CEP85L: variants seen among roughly 807,000 people sequenced by gnomAD.
The protein encoded by CEP85L is centrosomal protein 85L, also known as centrosomal protein of 85 kDa-like.
A neutral mutation model predicts 100.3 loss-of-function variants in CEP85L; 60 were observed. That is an observed-to-expected ratio of 0.60 (90% CI 0.49 to 0.74). The LOEUF (loss-of-function observed/expected upper bound fraction) is 0.74. Ranked by LOEUF, CEP85L falls within the 30% of genes least tolerant of loss-of-function variation. The probability of loss-of-function intolerance (pLI) is 0.00; values close to 1 mark genes in which losing one functional copy is unlikely to be tolerated. For missense variants in CEP85L, 973 were observed against 936.2 expected, an observed-to-expected ratio of 1.04 and a Z score of -0.51; for synonymous variants, 319 against 322.7, an observed-to-expected ratio of 0.99 and a Z score of 0.12.
At chr6:118,498,349 A>T (rs934540179) in intron 5 of CEP85L, among the ~76,000 whole-genome samples, 1 of 152,058 alleles carries the variant, frequency 6.6e-6, no homozygotes, top group Admixed American at 6.5e-5. Flanking sequence ...AAAAATAAAT[A>T]AATACAAATG....
chr6:118,619,890 A>G (rs1211589492), intron 2 of CEP85L, among the ~76,000 whole-genome samples: 1 of 152,186 alleles, frequency 6.6e-6, no homozygotes, highest in Non-Finnish European at 1.5e-5. Context: ...TCAGCCAGGT[A>G]AACAGATCAA....
At chr6:118,576,364 C>A (rs551396621) in intron 2 of CEP85L, among the ~76,000 whole-genome samples, 6 of 152,180 alleles carry the variant, frequency 3.9e-5, no homozygotes, top group African/African-American at 1.2e-4. Context: ...AATAGCACTC[C>A]GGAAAGCCGA....
At chr6:118,652,417 T>C (rs2115391011), upstream of CEP85L, 1 of 1,131,690 alleles carries the variant, frequency 8.8e-7, no homozygotes, top group Non-Finnish European at 1.1e-6. Flanking sequence ...TCACTGGCAA[T>C]ATGGTGATGC....
intron 6 of CEP85L, among the ~76,000 whole-genome samples, chr6:118,489,599 C>T (rs1003300661): frequency 1.3e-5 from 2 of 152,042 alleles, no homozygotes; most frequent in Non-Finnish European, 2.9e-5. Context: ...AAAACCATCT[C>T]GTGCCTGTTA....
upstream of CEP85L, chr6:118,651,973 C>A (rs554086521): frequency 4.3e-5 from 40 of 923,946 alleles, no homozygotes; most frequent in African/African-American, 6.1e-4. Context: ...AGCCAGGGCG[C>A]GGCTGAGGGG....
At chr6:118,600,300 G>GGGGGGGGTGT (rs1562297733) in intron 2 of CEP85L, among the ~76,000 whole-genome samples, 5 of 52,244 alleles carry the variant, frequency 9.6e-5, no homozygotes, top group East Asian at 5.9e-4. Flanking sequence ...CCTTCCTGGG[G>GGGGGGGGTGT]GTGTGTGTGT....
At chr6:118,704,025 G>A (rs943536844) in intron 1 of CEP85L, among the ~76,000 whole-genome samples, 41 of 152,124 alleles carry the variant, frequency 2.7e-4, no homozygotes, top group African/African-American at 9.7e-4. Flanking sequence ...AGGAAACATG[G>A]TAGCCCTTTT....
At chr6:118,562,533 C>A (rs552073665) in intron 3 of CEP85L, among the ~76,000 whole-genome samples, 22 of 152,020 alleles carry the variant, frequency 1.4e-4, no homozygotes, top group Admixed American at 2.6e-4. Context: ...ATGGCTAATT[C>A]TTTTTATTTT....
At chr6:118,557,839 T>A (rs1453556954) in intron 3 of CEP85L, among the ~76,000 whole-genome samples, 1 of 152,236 alleles carries the variant, frequency 6.6e-6, no homozygotes, top group Non-Finnish European at 1.5e-5. Context: ...TTGTTTTTGA[T>A]CTGCATGGAG....
chr6:118,464,892 T>C lies in CEP85L; in HGVS notation c.*513A>G, dbSNP rs934434850. 6.6e-6 allele frequency: 1 copy of C among 152,496 alleles called. No homozygotes were observed. Among genetic ancestry groups the C allele is most frequent in the Admixed American group, 6.5e-5 (1 of 15,280 alleles). The allele number at this position is 152,496 out of a possible 1,614,324, so 9.4% of individuals were successfully genotyped here. The stretch of plus-strand genomic sequence containing the variant: ...CAACACTTGCCTGCTGTTTGAACTC[T>C]TGTTCAGCCAGCCACTGAAAATCCC... On this transcript the variant is annotated 3_prime_UTR_variant, in exon 13 of 13. Coordinates refer to ENST00000368491, the MANE Select transcript of CEP85L (RefSeq NM_001042475.3).
In CEP85L at chr6:118,517,363, C is replaced by T. The variant is rs113110865; in HGVS notation, c.1140-5948G>A. Among the ~76,000 whole-genome samples the T allele has an allele frequency of 1.4e-4, 21 of 152,222 alleles. 1 individual carries two copies. Among genetic ancestry groups the T allele is most frequent in the African/African-American group, 5.1e-4 (21 of 41,548 alleles). On this transcript the variant is annotated intron_variant, in intron 4 of 12. Coordinates refer to ENST00000368491, the MANE Select transcript of CEP85L (RefSeq NM_001042475.3). ...TAACCATTTTCACAATATTGATTAT[C>T]CCTATCCATGAGCATGGAATGTTTT...
chr6:118,523,984 C>A, intron 3 of CEP85L, 64 bp from the exon 4 acceptor site: 1 of 611,832 alleles, frequency 1.6e-6, no homozygotes, highest in Non-Finnish European at 2.6e-6. Flanking sequence ...TATATATTAT[C>A]ATATTTTCCC....
chr6:118,652,531 ACG>A, upstream of CEP85L: 1 of 1,399,466 alleles, frequency 7.1e-7, no homozygotes, highest in Non-Finnish European at 9.3e-7. Context: ...GTAAGTCGGA[ACG>A]CAGGTCGCTT....
intron 2 of CEP85L, among the ~76,000 whole-genome samples, chr6:118,607,842 C>CA (rs1168675621): frequency 1.3e-5 from 2 of 152,054 alleles, no homozygotes; most frequent in African/African-American, 4.8e-5. Context: ...TACTAGACCC[C>CA]ACCACTTACC....
intron 3 of CEP85L, among the ~76,000 whole-genome samples, chr6:118,536,409 T>C (rs1777594874): frequency 2.0e-5 from 3 of 152,144 alleles, no homozygotes; most frequent in Non-Finnish European, 4.4e-5. Flanking sequence ...TGGGTGTGTA[T>C]TGGAATGGAG....
chr6:118,585,515 G>C (rs972436204), intron 2 of CEP85L, among the ~76,000 whole-genome samples: 1 of 152,148 alleles, frequency 6.6e-6, no homozygotes, highest in East Asian at 1.9e-4. Context: ...AAGGCTCCAT[G>C]AGAGAAATTA....
At chr6:118,505,977 C>T (rs950190866) in intron 5 of CEP85L, among the ~76,000 whole-genome samples, 15 of 151,936 alleles carry the variant, frequency 9.9e-5, no homozygotes, top group African/African-American at 3.1e-4. Flanking sequence ...AGGTTGAGCA[C>T]GTGTGAAGAT....
At chr6:118,487,904 T>C (rs1774292318) in intron 6 of CEP85L, among the ~76,000 whole-genome samples, 1 of 152,134 alleles carries the variant, frequency 6.6e-6, no homozygotes, top group South Asian at 2.1e-4. Context: ...CACCCAACAA[T>C]CTGACTTTTC....
At chr6:118,605,135 G>A (rs927085478) in intron 2 of CEP85L, among the ~76,000 whole-genome samples, 1 of 152,216 alleles carries the variant, frequency 6.6e-6, no homozygotes, top group East Asian at 1.9e-4. Context: ...GCGTTTCTGG[G>A]GCCAAATAAG....
Sources: allele counts gnomAD v4.1 joint callset (sites outside exome capture counted in the v4.1 genomes callset), GRCh38; gene constraint gnomAD v4.1.1; transcripts MANE v1.5; gene names NCBI Gene and HGNC (gene_info 2026-07-23, HGNC 2026-07-21).